DLGAP2: variants seen among roughly 807,000 people sequenced by gnomAD.
DLGAP2 encodes the protein DLG associated protein 2, also known as disks large-associated protein 2.
Under a neutral mutation model 100.3 loss-of-function variants are expected in DLGAP2, and 26 were observed. The ratio of observed to expected loss-of-function variants is 0.26; its 90% confidence interval spans 0.19 to 0.36. The LOEUF is 0.36. Among genes scored for constraint, DLGAP2 ranks in the 10% least tolerant of loss-of-function variants. DLGAP2 has a pLI of 1.00. For missense variants in DLGAP2, 1,858 were observed against 1,453.2 expected (o/e 1.28, Z -4.53); for synonymous variants, 886 against 630.1 (o/e 1.41, Z -6.08).
At chr8:1,431,606 A>T (rs1440863569) in intron 3 of DLGAP2, among the ~76,000 whole-genome samples, 1 of 152,218 alleles carries the variant, frequency 6.6e-6, no homozygotes, top group East Asian at 1.9e-4. Flanking sequence ...CTGTATAAAG[A>T]GTCAGCTGAC....
chr8:1,133,138 A>T (rs771192237), intron 2 of DLGAP2, among the ~76,000 whole-genome samples: 1 of 152,196 alleles, frequency 6.6e-6, no homozygotes, highest in Non-Finnish European at 1.5e-5. Context: ...CTGGAGCATT[A>T]GCTTCCTTGG....
chr8:1,185,100 G>A (rs1439835289), intron 2 of DLGAP2, among the ~76,000 whole-genome samples: 3 of 152,102 alleles, frequency 2.0e-5, no homozygotes, highest in Non-Finnish European at 4.4e-5. Context: ...CCTCTCTTGG[G>A]GTGTTGGGGC....
intron 5 of DLGAP2, among the ~76,000 whole-genome samples, chr8:1,556,797 G>A (rs566290674): frequency 6.6e-6 from 1 of 152,336 alleles, no homozygotes; most frequent in East Asian, 1.9e-4. Context: ...CAAACAAACA[G>A]GAAAGGAAAG....
intron 1 of DLGAP2, among the ~76,000 whole-genome samples, chr8:829,357 T>A (rs1163066579): frequency 3.3e-5 from 5 of 152,198 alleles, no homozygotes; most frequent in Non-Finnish European, 1.5e-5. Context: ...CCCATGAAGG[T>A]GACAAATGCC....
At chr8:1,267,346 A>G (rs1438420657) in intron 3 of DLGAP2, among the ~76,000 whole-genome samples, 1 of 151,376 alleles carries the variant, frequency 6.6e-6, no homozygotes, top group Non-Finnish European at 1.5e-5. Flanking sequence ...GCGGTGGATC[A>G]CTTGAGGTCA....
chr8:1,279,831 G>T (rs2116946338), intron 3 of DLGAP2, among the ~76,000 whole-genome samples: 1 of 152,316 alleles, frequency 6.6e-6, no homozygotes, highest in South Asian at 2.1e-4. Flanking sequence ...CTCACGGGAG[G>T]GACACCCATG....
chr8:1,278,946 G>A (rs1000376145), intron 3 of DLGAP2, among the ~76,000 whole-genome samples: 1 of 152,184 alleles, frequency 6.6e-6, no homozygotes, highest in African/African-American at 2.4e-5. Flanking sequence ...TGGTACATGA[G>A]TAAAGTCACT....
chr8:737,904 GA>G (rs1239555074), intron 1 of DLGAP2, 79 bp downstream of exon 1: 3 of 364,458 alleles, frequency 8.2e-6, no homozygotes, highest in Non-Finnish European at 1.5e-5. Context: ...CGGTGTGTCG[GA>G]CCCGCGGGGA....
At chr8:1,268,687 C>T (rs575539476) in intron 3 of DLGAP2, among the ~76,000 whole-genome samples, 1 of 152,296 alleles carries the variant, frequency 6.6e-6, no homozygotes, top group South Asian at 2.1e-4. Flanking sequence ...ATTAGATTTC[C>T]TGAGAGTTAC....
chr8:1,601,765 T>C (rs1275237366), intron 6 of DLGAP2, among the ~76,000 whole-genome samples: 2 of 152,176 alleles, frequency 1.3e-5, no homozygotes, highest in African/African-American at 4.8e-5. Context: ...CAGAGCTCTC[T>C]CGTAGCTTAG....
rs930368239 is a variant in DLGAP2 at position 979,637 on chromosome 8, A to G, written c.73+71671A>G. ...AGGGTGATCCTACTTTGAAATGAGA[A>G]CTGCCCTCTGAGCGTCAGGAAGGGG... On this transcript the variant is annotated intron_variant, in intron 2 of 14. Coordinates refer to ENST00000637795, the MANE Select transcript of DLGAP2 (RefSeq NM_001346810.2). 2.6e-5 allele frequency among the ~76,000 whole-genome samples: 4 copies of G among 152,360 alleles called. No homozygotes were observed. In the South Asian group the frequency reaches 8.3e-4, roughly 32 times the overall value.
rs1444167696 is a variant in DLGAP2 at position 1,152,319 on chromosome 8, T to C, written c.74-106532T>C. Among the ~76,000 whole-genome samples the C allele has an allele frequency of 8.5e-5, 13 of 152,330 alleles. No individual in the cohort carries two copies. In the South Asian group the frequency reaches 1.2e-3, roughly 15 times the overall value. On this transcript the variant is annotated intron_variant, in intron 2 of 14. Coordinates refer to ENST00000637795, the MANE Select transcript of DLGAP2 (RefSeq NM_001346810.2). ...AAATGCCATTTTTAACATATGTAAA[T>C]TGTGAGGTAGTGTTAAATTTCCCGC...
chr8:983,837 G>A (rs916629600), intron 2 of DLGAP2, among the ~76,000 whole-genome samples: 4 of 152,154 alleles, frequency 2.6e-5, no homozygotes, highest in Admixed American at 6.5e-5. Flanking sequence ...ACCAGGTCTC[G>A]CTTTGTTGCC....
At chr8:1,000,514 T>C (rs1377413566) in intron 2 of DLGAP2, among the ~76,000 whole-genome samples, 8 of 151,692 alleles carry the variant, frequency 5.3e-5, no homozygotes, top group African/African-American at 1.9e-4. Context: ...TCTTTTGCAA[T>C]GGATTTTCTA....
intron 3 of DLGAP2, chr8:1,379,450 T>G (rs964638692): frequency 1.3e-5 from 2 of 152,272 alleles, no homozygotes; most frequent in African/African-American, 2.4e-5. Flanking sequence ...GCAGCCTCCG[T>G]CTGCCGAGGC....
intron 12 of DLGAP2, among the ~76,000 whole-genome samples, chr8:1,680,005 A>C (rs996311226): frequency 6.9e-6 from 1 of 144,894 alleles, no homozygotes; most frequent in Non-Finnish European, 1.5e-5. Flanking sequence ...AAAAAAAAAG[A>C]GCTCAGAAGC....
intron 2 of DLGAP2, among the ~76,000 whole-genome samples, chr8:1,160,381 C>G (rs1238671011): frequency 1.3e-5 from 2 of 152,146 alleles, no homozygotes; most frequent in African/African-American, 4.8e-5. Flanking sequence ...AAGTGCTGGT[C>G]TTTGCCTTAA....
At chr8:1,267,184 A>C (rs1463615779) in intron 3 of DLGAP2, among the ~76,000 whole-genome samples, 1 of 151,760 alleles carries the variant, frequency 6.6e-6, no homozygotes, top group Non-Finnish European at 1.5e-5. Context: ...GTGAGCCAAG[A>C]TTGCACCACT....
At chr8:1,331,973 T>G in intron 3 of DLGAP2, among the ~76,000 whole-genome samples, 1 of 152,180 alleles carries the variant, frequency 6.6e-6, no homozygotes, top group African/African-American at 2.4e-5. Flanking sequence ...GCCAACCCCC[T>G]GAACAGCCCC....
Sources: allele counts gnomAD v4.1 joint callset (sites outside exome capture counted in the v4.1 genomes callset), GRCh38; gene constraint gnomAD v4.1.1; transcripts MANE v1.5; gene names NCBI Gene and HGNC (gene_info 2026-07-23, HGNC 2026-07-21).